NDST1: variants seen among roughly 807,000 people sequenced by gnomAD.
The protein encoded by NDST1 is bifunctional heparan sulfate N-deacetylase/N-sulfotransferase 1.
Under a neutral mutation model 92.8 loss-of-function variants are expected in NDST1, and 35 were observed. The ratio of observed to expected loss-of-function variants is 0.38; its 90% CI spans 0.29 to 0.50. The LOEUF (loss-of-function observed/expected upper bound fraction) is 0.50, where lower values mean the gene tolerates loss of function less well. NDST1 is among the 20% of genes least tolerant of loss of function. The pLI is 0.94. For missense variants in NDST1, 822 were observed against 1,182.7 expected (o/e 0.69, Z 4.47); for synonymous variants, 493 against 500.3 (o/e 0.99, Z 0.19).
At chr5:150,520,344 T>G (rs1294728139) in intron 1 of NDST1, among the ~76,000 whole-genome samples, 4 of 151,720 alleles carry the variant, frequency 2.6e-5, no homozygotes, top group Admixed American at 6.6e-5. Flanking sequence ...ATGAAAAGAC[T>G]GATGGAGACT....
chr5:150,550,230 A>G (rs1755662046), intron 13 of NDST1, among the ~76,000 whole-genome samples: 1 of 151,668 alleles, frequency 6.6e-6, no homozygotes, highest in Non-Finnish European at 1.5e-5. Flanking sequence ...CTTCCCGAGT[A>G]GCTTGGGACC....
rs934200569 is a variant in NDST1 at position 150,553,940 on chromosome 5, C to T, written c.*608C>T. ...TCTGGGGAAGAATTTCTGGTTCCTA[C>T]AGTATCCACTCCATCCTCAAGGCTT... On this transcript the variant is annotated 3_prime_UTR_variant, in exon 15 of 15. Coordinates refer to ENST00000261797, the MANE Select transcript of NDST1 (RefSeq NM_001543.5). The surrounding 1 kb of genome is among the most constrained non-coding windows in gnomAD (Gnocchi z 4.2). 2.4e-6 allele frequency: 1 copy of T among 424,544 alleles called. No individual in the cohort carries two copies. Among genetic ancestry groups the T allele is most frequent in the Non-Finnish European group, 4.2e-6 (1 of 240,404 alleles). 26.3% of individuals were successfully genotyped at this position (424,544 alleles called of 1,614,324 possible).
chr5:150,548,313 C>T lies in NDST1; in HGVS notation c.2241C>T (p.Leu747=). 6.2e-7 allele frequency: 1 copy of T among 1,614,122 alleles called. No individual in the cohort carries two copies. The highest frequency in any genetic ancestry group is 8.5e-7 in the Non-Finnish European group (1 of 1,180,036). The change falls in exon 12 of 15, where the codon CTC becomes CTT. Residue 747 remains leucine (L), a synonymous_variant. Transcript: ENST00000261797. ...GSDASSKLRA[L]QNRCLVPGWY... The stretch of plus-strand genomic sequence containing the variant: ...ACGCATCCTCGAAGCTGCGTGCCCT[C>T]CAGAACCGCTGCCTGGTCCCTGGCT...
upstream of NDST1, among the ~76,000 whole-genome samples, chr5:150,506,837 C>T (rs1041361429): frequency 2.0e-5 from 3 of 152,156 alleles, no homozygotes; most frequent in East Asian, 1.9e-4. Flanking sequence ...TGTGGGCCCT[C>T]GGTGAAGCCT....
At chr5:150,543,162 G>C (rs925168594) in intron 10 of NDST1, among the ~76,000 whole-genome samples, 191 bp downstream of exon 10, 3 of 152,230 alleles carry the variant, frequency 2.0e-5, no homozygotes, top group African/African-American at 7.2e-5. Context: ...CACTCGATGA[G>C]GAGGCCCTTT....
intron 1 of NDST1, among the ~76,000 whole-genome samples, chr5:150,517,835 G>A (rs1355305630): frequency 2.0e-5 from 3 of 152,256 alleles, no homozygotes; most frequent in Admixed American, 1.3e-4. Flanking sequence ...CCTGCGAGGA[G>A]TGGCTGGTGG....
intron 3 of NDST1, among the ~76,000 whole-genome samples, chr5:150,530,478 T>G (rs1448468515): frequency 6.6e-6 from 1 of 152,112 alleles, no homozygotes; most frequent in African/African-American, 2.4e-5. Context: ...AGGTTGAGCC[T>G]GAGGAGATCA....
intron 4 of NDST1, among the ~76,000 whole-genome samples, chr5:150,534,244 A>C (rs975491065): frequency 5.9e-5 from 9 of 151,914 alleles, no homozygotes; most frequent in Non-Finnish European, 1.2e-4. Flanking sequence ...CTACAGGTGC[A>C]TGCCACTATG....
chr5:150,521,909 G>T lies in NDST1; in HGVS notation c.513+142G>T. 1.8e-6 allele frequency: 2 copies of T among 1,112,458 alleles called. No individual in the cohort carries two copies. The highest frequency in any genetic ancestry group is 2.6e-6 in the Non-Finnish European group (2 of 759,162). 68.9% of individuals were successfully genotyped at this position (1,112,458 alleles called of 1,614,324 possible). ...GGTTAAATGAGTGAGTATATGTAAA[G>T]CACTGGGAGCATGCGGTGCCCACTG... On this transcript the variant is annotated intron_variant, in intron 2 of 14. Transcript: ENST00000261797. The surrounding 1 kb of genome is among the most constrained non-coding windows in gnomAD (Gnocchi z 5.9).
At chr5:150,508,052 C>G (rs1227595247), upstream of NDST1, 2 of 152,278 alleles carry the variant, frequency 1.3e-5, no homozygotes, top group African/African-American at 2.4e-5. Flanking sequence ...GCAGGGTGCT[C>G]TAGGGCCACC....
intron 6 of NDST1, among the ~76,000 whole-genome samples, chr5:150,536,436 A>T (rs1754990898): frequency 6.6e-6 from 1 of 151,504 alleles, no homozygotes; most frequent in South Asian, 2.1e-4. Context: ...AACCTGGGAG[A>T]TCGAGGCTGC....
intron 1 of NDST1, among the ~76,000 whole-genome samples, chr5:150,510,030 A>G (rs1483896641): frequency 7.2e-6 from 1 of 138,694 alleles, no homozygotes; most frequent in Non-Finnish European, 1.6e-5. Context: ...TGTGGAAAGT[A>G]GGACTGCAGA....
chr5:150,528,009 T>C lies in NDST1; in HGVS notation c.719T>C (p.Leu240Pro). 1 of 1,613,810 alleles carries C rather than the reference T, an allele frequency of 6.2e-7. No homozygotes were observed. The highest frequency in any genetic ancestry group is 8.5e-7 in the Non-Finnish European group (1 of 1,179,880). The change falls in exon 3 of 15, where the codon CTG (leucine) becomes CCG (proline). Residue 240 changes from leucine (L) to proline (P), a missense_variant. Physicochemically the swap from Leu to Pro is moderately conservative, Grantham distance 98. Transcript: ENST00000261797. Reference protein sequence around the residue: ...SNHSTYEPVLLAKTRSSESIP... With the variant: ...SNHSTYEPVLPAKTRSSESIP... ...CACTCCACCTATGAGCCAGTGCTGC[T>C]GGCCAAGACGCGCTCGTCTGAGTCC... is the stretch of plus-strand genomic sequence containing the variant.
chr5:150,539,605 T>C (rs1755152709), intron 7 of NDST1: 2 of 1,389,338 alleles, frequency 1.4e-6, no homozygotes, highest in Non-Finnish European at 9.3e-7. Flanking sequence ...TTTTTATGCA[T>C]GTTCCCTTCA....
intron 8 of NDST1, among the ~76,000 whole-genome samples, chr5:150,540,488 G>A (rs1755196605): frequency 6.6e-6 from 1 of 152,122 alleles, no homozygotes; most frequent in Non-Finnish European, 1.5e-5. Flanking sequence ...CTACATGCAT[G>A]CAGTCATACA....
intron 1 of NDST1, among the ~76,000 whole-genome samples, chr5:150,502,103 A>C (rs1345381672): frequency 6.6e-6 from 1 of 152,060 alleles, no homozygotes; most frequent in Non-Finnish European, 1.5e-5. Context: ...TTGTTGTTTG[A>C]GTCTGAGTGG....
At chr5:150,525,495 C>T (rs1292036228) in intron 2 of NDST1, among the ~76,000 whole-genome samples, 1 of 152,184 alleles carries the variant, frequency 6.6e-6, no homozygotes, top group Non-Finnish European at 1.5e-5. Context: ...TCAGGGCTGT[C>T]TTAGGAGTCG....
chr5:150,504,161 A>G (rs1312390340), upstream of NDST1, among the ~76,000 whole-genome samples: 1 of 152,204 alleles, frequency 6.6e-6, no homozygotes, highest in Non-Finnish European at 1.5e-5. Flanking sequence ...CCTGTTTCCC[A>G]GCAGTTGAGC....
At chr5:150,515,898 T>C (rs1303509105) in intron 1 of NDST1, among the ~76,000 whole-genome samples, 1 of 152,160 alleles carries the variant, frequency 6.6e-6, no homozygotes. Flanking sequence ...GGGGCTGTGC[T>C]GGAAGCCCCC....
Sources: allele counts gnomAD v4.1 joint callset (sites outside exome capture counted in the v4.1 genomes callset), GRCh38; gene constraint gnomAD v4.1.1; non-coding constraint Gnocchi (gnomAD v3.1); transcripts MANE v1.5; gene names NCBI Gene and HGNC (gene_info 2026-07-23, HGNC 2026-07-21).